DHRSX: variants seen among roughly 807,000 people sequenced by gnomAD.
DHRSX encodes polyprenol dehydrogenase.
A neutral mutation model predicts 34.0 loss-of-function variants in DHRSX; 31 were observed. That is an observed-to-expected ratio of 0.91 (90% confidence interval 0.69 to 1.23). The LOEUF (loss-of-function observed/expected upper bound fraction) is 1.23, where lower values mean the gene tolerates loss of function less well. Ranked by LOEUF, DHRSX falls within the 50% of genes most tolerant of loss-of-function variation. The pLI is 0.00. For missense variants in DHRSX, 414 were observed against 428.1 expected (o/e 0.97, Z 0.29); for synonymous variants, 201 against 183.8 (o/e 1.09, Z -0.76).
At chrX:2,236,883 TA>T (rs553057998) in intron 6 of DHRSX, among the ~76,000 whole-genome samples, 118 of 136,040 alleles carry the variant, frequency 8.7e-4, no homozygotes, top group African/African-American at 1.5e-3. Flanking sequence ...TGTTTATTAA[TA>T]AAAAAAAAAA....
intron 6 of DHRSX, among the ~76,000 whole-genome samples, chrX:2,238,043 T>C (rs1380434779): frequency 3.9e-5 from 6 of 152,114 alleles, no homozygotes; most frequent in Non-Finnish European, 8.8e-5. Flanking sequence ...AATGGCCTGA[T>C]GCATTTGTAT....
At chrX:2,251,581 T>A (rs1253672427) in intron 5 of DHRSX, among the ~76,000 whole-genome samples, 1 of 152,142 alleles carries the variant, frequency 6.6e-6, no homozygotes, top group Admixed American at 6.6e-5. Flanking sequence ...GGCGGACGCA[T>A]CAAGTGATAA....
rs139365297 is a variant in DHRSX, at chrX:2,304,568, T to C, written c.287-12965A>G. ...ATAGTGAATGAGTTCTCGTGGCATC[T>C]GGTTGTTGAAAAGTGTGTAGCATCT... is the stretch of plus-strand genomic sequence containing the variant. On this transcript the variant is annotated intron_variant, in intron 3 of 6. Coordinates refer to ENST00000334651, the MANE Select transcript of DHRSX (RefSeq NM_145177.3). 2.6e-3 allele frequency among the ~76,000 whole-genome samples: 389 copies of C among 152,154 alleles called. 2 individuals carry two copies. The highest frequency in any genetic ancestry group is 8.9e-3 in the African/African-American group (370 of 41,486).
At chrX:2,489,113 G>C (rs918461572) in intron 1 of DHRSX, 1 of 1,613,502 alleles carries the variant, frequency 6.2e-7, no homozygotes, top group African/African-American at 1.3e-5. Flanking sequence ...CGGCGGCGTG[G>C]ATGTCCGCAT....
intron 3 of DHRSX, among the ~76,000 whole-genome samples, chrX:2,375,472 C>T (rs907853897): frequency 1.4e-5 from 2 of 138,288 alleles, no homozygotes; most frequent in African/African-American, 4.9e-5. Flanking sequence ...GCTGGGCACA[C>T]GCCGTGTGGA....
chrX:2,324,917 C>T (rs1461059696), intron 3 of DHRSX, among the ~76,000 whole-genome samples: 1 of 149,454 alleles, frequency 6.7e-6, no homozygotes, highest in Non-Finnish European at 1.5e-5. Flanking sequence ...TATAGGTACG[C>T]ACCACCAAGC....
intron 3 of DHRSX, 28 bp downstream of exon 3, chrX:2,408,717 A>C: frequency 6.3e-7 from 1 of 1,587,080 alleles, no homozygotes; most frequent in Non-Finnish European, 8.5e-7. Flanking sequence ...AAAAAACAAA[A>C]AAAAGCCATT....
At chrX:2,382,754 TATCATC>T (rs1485735847) in intron 3 of DHRSX, among the ~76,000 whole-genome samples, 3 of 26,770 alleles carry the variant, frequency 1.1e-4, no homozygotes, top group Admixed American at 4.0e-4. Context: ...TCATCATCAC[TATCATC>T]ATCATCATCA....
intron 3 of DHRSX, among the ~76,000 whole-genome samples, chrX:2,398,125 G>A (rs950414491): frequency 6.6e-6 from 1 of 152,180 alleles, no homozygotes; most frequent in Admixed American, 6.5e-5. Context: ...CCTTGTAGGT[G>A]AACAGGGGCA....
chrX:2,386,140 A>G (rs1235907479), intron 3 of DHRSX, among the ~76,000 whole-genome samples: 1 of 151,480 alleles, frequency 6.6e-6, no homozygotes, highest in Non-Finnish European at 1.5e-5. Context: ...GTTTGGAAAA[A>G]GTATATAGAT....
intron 3 of DHRSX, among the ~76,000 whole-genome samples, chrX:2,322,488 G>C (rs915476292): frequency 2.7e-5 from 4 of 149,938 alleles, no homozygotes; most frequent in African/African-American, 9.8e-5. Flanking sequence ...GGCGTAGGCT[G>C]TACTGAGCAG....
At chrX:2,437,928 T>C (rs916565047) in intron 1 of DHRSX, among the ~76,000 whole-genome samples, 4 of 151,768 alleles carry the variant, frequency 2.6e-5, no homozygotes, top group African/African-American at 9.7e-5. Flanking sequence ...CAGAACAATA[T>C]GTGGCAACCA....
At chrX:2,309,020 GTTTC>G (rs1280521906) in intron 3 of DHRSX, among the ~76,000 whole-genome samples, 1 of 152,102 alleles carries the variant, frequency 6.6e-6, no homozygotes, top group African/African-American at 2.4e-5. Flanking sequence ...ATAGGTTTCT[GTTTC>G]TTAGTATCCT....
chrX:2,380,324 A>G (rs2043188909), intron 3 of DHRSX, among the ~76,000 whole-genome samples: 1 of 148,990 alleles, frequency 6.7e-6, no homozygotes, highest in Non-Finnish European at 1.5e-5. Flanking sequence ...AAAAAAAAAA[A>G]AAGACTGCAT....
chrX:2,429,484 A>G (rs1348362253), intron 1 of DHRSX, among the ~76,000 whole-genome samples: 2 of 149,178 alleles, frequency 1.3e-5, no homozygotes, highest in South Asian at 2.1e-4. Context: ...GTCTTACTAC[A>G]TTGCCCAGGC....
chrX:2,450,604 C>A (rs781359856), intron 1 of DHRSX, among the ~76,000 whole-genome samples: 11 of 152,006 alleles, frequency 7.2e-5, no homozygotes, highest in African/African-American at 2.7e-4. Flanking sequence ...TTCTGCGTAC[C>A]ACCTATATTT....
At chrX:2,479,462 C>T (rs1365772134) in intron 1 of DHRSX, among the ~76,000 whole-genome samples, 5 of 151,046 alleles carry the variant, frequency 3.3e-5, no homozygotes, top group Non-Finnish European at 5.9e-5. Flanking sequence ...ACACTGAAGA[C>T]ATTCCCTAAG....
At position 2,243,228 on chromosome X, in the gene DHRSX, G is replaced by T; in HGVS notation, c.599C>A (p.Ala200Asp). 1.2e-6 allele frequency: 2 copies of T among 1,613,076 alleles called. No homozygotes were observed. The highest frequency in any genetic ancestry group is 1.7e-6 in the Non-Finnish European group (2 of 1,179,670). Residue 200 changes from alanine (A) to aspartate (D), a missense_variant and splice_region_variant, in exon 6 of 7, where the codon GCC becomes GAC. Physicochemically the swap from Ala to Asp is moderately radical, Grantham distance 126. Transcript: ENST00000334651. ...ELNMDDLQSSACYSPHAAYAQ... is the reference protein window; with the variant it reads ...ELNMDDLQSSDCYSPHAAYAQ... ...GTAGGCTGCGTGGGGTGAGTAGCAGGCACTGTGGGGCAAGCAGGAGAAGGT... is the reference window on the plus strand; with the variant it reads ...GTAGGCTGCGTGGGGTGAGTAGCAGTCACTGTGGGGCAAGCAGGAGAAGGT...
chrX:2,358,032 T>G (rs1004046993), intron 3 of DHRSX, among the ~76,000 whole-genome samples: 2 of 152,188 alleles, frequency 1.3e-5, no homozygotes, highest in African/African-American at 2.4e-5. Context: ...CAGAATCAAG[T>G]GATAGCATGT....
Sources: allele counts gnomAD v4.1 joint callset (sites outside exome capture counted in the v4.1 genomes callset), GRCh38; gene constraint gnomAD v4.1.1; transcripts MANE v1.5; gene names NCBI Gene and HGNC (gene_info 2026-07-23, HGNC 2026-07-21).